The following RAB21 variants were observed in gnomAD, a reference collection of about 807,000 sequenced individuals.
RAB21 encodes the protein RAB21, member RAS oncogene family.
In RAB21, 13 loss-of-function variants were observed where a neutral mutation model predicts 33.1. The observed-to-expected ratio is 0.39, with a 90% confidence interval of 0.26 to 0.62. RAB21 has a LOEUF of 0.62. Among genes scored for constraint, RAB21 ranks in the 20% least tolerant of loss-of-function variants. RAB21 has a pLI of 0.48. For synonymous variants in RAB21, 91 were observed against 103.7 expected (o/e 0.88, Z 0.74); for missense variants, 234 against 279.1 (o/e 0.84, Z 1.15).
At chr12:71,756,880 T>C (rs1592641093) in intron 1 of RAB21, among the ~76,000 whole-genome samples, 2 of 152,230 alleles carry the variant, frequency 1.3e-5, no homozygotes, top group Admixed American at 6.5e-5. Context: ...GTGGATAGTT[T>C]AGTGGATAGC....
Position 71,788,819 on chromosome 12 carries a change from AT to A in RAB21, c.*3148del, listed in dbSNP as rs1264097326. On this transcript the variant is annotated 3_prime_UTR_variant, in exon 7 of 7. Transcript: ENST00000261263. ...ATGGGTATTCTGCTTCTTGTTTTTC[AT>A]TGTAATTACAGGGGAAGATTGTTTT... The A allele has an allele frequency of 1.3e-5, 2 of 152,088 alleles. No homozygotes were observed. Among genetic ancestry groups the A allele is most frequent in the African/African-American group, 4.8e-5 (2 of 41,444 alleles). 9.4% of individuals were successfully genotyped at this position (152,088 alleles called of 1,614,324 possible). A position where few individuals can be genotyped will look rare whatever the true frequency, so the allele number is the denominator to read the frequency against.
chr12:71,792,890 T>C lies in RAB21; in HGVS notation c.*7217T>C, dbSNP rs1304973744. 1 of 152,254 alleles carries C rather than the reference T, an allele frequency of 6.6e-6. No homozygotes were observed. Among genetic ancestry groups the C allele is most frequent in the African/African-American group, 2.4e-5 (1 of 41,472 alleles). 9.4% of individuals were successfully genotyped at this position (152,254 alleles called of 1,614,324 possible). The stretch of plus-strand genomic sequence containing the variant: ...TTCACATTCTGTGTTTGATCAGATA[T>C]GTACCTGCCAAACTTTTGGAGTGAG... On this transcript the variant is annotated 3_prime_UTR_variant, in exon 7 of 7. Transcript: ENST00000261263.
At chr12:71,780,619 G>A (rs1883183816) in intron 4 of RAB21, among the ~76,000 whole-genome samples, 1 of 152,196 alleles carries the variant, frequency 6.6e-6, no homozygotes, top group South Asian at 2.1e-4. Flanking sequence ...CTTTAGTGTT[G>A]TCTGCTTCCC....
chr12:71,763,160 C>T (rs1279223945), intron 1 of RAB21, among the ~76,000 whole-genome samples: 4 of 150,634 alleles, frequency 2.7e-5, no homozygotes, highest in East Asian at 1.9e-4. Context: ...CACTCCCCAA[C>T]GGCAGGCCCC....
Position 71,796,741 on chromosome 12 carries a change from A to T in RAB21, c.*11068A>T, listed in dbSNP as rs973533467. On this transcript the variant is annotated 3_prime_UTR_variant, in exon 7 of 7. Coordinates refer to ENST00000261263, the MANE Select transcript of RAB21 (RefSeq NM_014999.4). The stretch of plus-strand genomic sequence containing the variant: ...TAATTTCAAGGAAACTGCTAGAGAC[A>T]ATGTTGAGTATCATCAAGAACATTT... The T allele has an allele frequency of 5.2e-4, 47 of 90,678 alleles. 9 individuals are homozygous for T. In the Admixed American group the frequency reaches 5.7e-3, roughly 11 times the overall value. The allele number at this position is 90,678 out of a possible 1,614,324, so 5.6% of individuals were successfully genotyped here. A position where few individuals can be genotyped will look rare whatever the true frequency, so the allele number is the denominator to read the frequency against.
At chr12:71,763,088 A>G (rs1882901969) in intron 1 of RAB21, among the ~76,000 whole-genome samples, 1 of 108,018 alleles carries the variant, frequency 9.3e-6, no homozygotes, top group Non-Finnish European at 2.0e-5. Flanking sequence ...TAGCAAGAAT[A>G]TTTATTTTGC....
At position 71,782,050 on chromosome 12, in the gene RAB21, A is replaced by G. The variant is rs756127090; in HGVS notation, c.411A>G (p.Glu137=). 1 of 1,606,252 alleles carries G rather than the reference A, an allele frequency of 6.2e-7. No homozygotes were observed. Among genetic ancestry groups the G allele is most frequent in the South Asian group, 1.1e-5 (1 of 90,646 alleles). The change falls in exon 5 of 7, where the codon GAA becomes GAG. Residue 137 remains glutamate (E), a synonymous_variant. Transcript: ENST00000261263. ...AAATAGGTAATAAAATAGACTTGGA[A>G]AAGGAGAGACATGTTTCCATTCAAG... ...LCIVGNKIDL[E]KERHVSIQEA... is the part of the protein sequence containing the mutation.
At chr12:71,779,547 C>T (rs911513726) in intron 4 of RAB21, among the ~76,000 whole-genome samples, 1 of 152,192 alleles carries the variant, frequency 6.6e-6, no homozygotes, top group African/African-American at 2.4e-5. Context: ...CTGAAAGCTT[C>T]TTTCCACTGT....
At position 71,785,612 on chromosome 12, in the gene RAB21, A is replaced by G; in HGVS notation, c.617A>G (p.Gln206Arg). The change falls in exon 7 of 7, where the codon CAG becomes CGG. Residue 206 changes from glutamine to arginine, a missense_variant. Transcript: ENST00000261263. ...CCGGGAACTGCAAGGCGAGGTGTACAGATTATTGATGATGAACCTCAAGCC... is the reference window on the plus strand; with the variant it reads ...CCGGGAACTGCAAGGCGAGGTGTACGGATTATTGATGATGAACCTCAAGCC... ...SQPGTARRGV[Q>R]IIDDEPQAQT... is the part of the protein sequence containing the mutation. The G allele has an allele frequency of 6.2e-7, 1 of 1,614,220 alleles. No homozygotes were observed. Among genetic ancestry groups the G allele is most frequent in the Non-Finnish European group, 8.5e-7 (1 of 1,180,044 alleles).
In RAB21 at chr12:71,768,310, G is replaced by T. The variant is rs187514362; in HGVS notation, c.160-1490G>T. On this transcript the variant is annotated intron_variant, in intron 1 of 6. Coordinates refer to ENST00000261263, the MANE Select transcript of RAB21 (RefSeq NM_014999.4). ...AGACCTTCCTGAAATTGAGGTAAAA[G>T]AAATCTCAATTGTTTCTTTCCTTCA... is the stretch of plus-strand genomic sequence containing the variant. Among the ~76,000 whole-genome samples the T allele has an allele frequency of 2.6e-4, 40 of 152,186 alleles. 1 individual carries two copies. The East Asian group carries it at 4.0e-3, about 15-fold the overall frequency.
intron 1 of RAB21, among the ~76,000 whole-genome samples, chr12:71,760,044 A>G (rs1185781854): frequency 6.6e-6 from 1 of 152,222 alleles, no homozygotes; most frequent in Non-Finnish European, 1.5e-5. Context: ...AAATGAATAA[A>G]TGATGCGGGA....
intron 1 of RAB21, among the ~76,000 whole-genome samples, chr12:71,760,940 T>C (rs1187826596): frequency 6.6e-6 from 1 of 152,004 alleles, no homozygotes. Flanking sequence ...GTGCAGTGGC[T>C]CGCACCTATA....
intron 4 of RAB21, 38 bp downstream of exon 4, chr12:71,774,060 T>C (rs928354126): frequency 1.4e-6 from 2 of 1,405,008 alleles, no homozygotes; most frequent in Admixed American, 4.6e-5. Context: ...AAAAGTCCTC[T>C]GTTTCCTTAA....
In RAB21 at chr12:71,785,901, TTTTTTTTTG is replaced by T. The variant is rs1305831589; in HGVS notation, c.*237_*245del. The T allele has an allele frequency of 2.7e-6, 1 of 370,194 alleles. No homozygotes were observed. The highest frequency in any genetic ancestry group is 3.4e-5 in the South Asian group (1 of 29,554). 22.9% of individuals were successfully genotyped at this position (370,194 alleles called of 1,614,324 possible). On this transcript the variant is annotated 3_prime_UTR_variant, in exon 7 of 7. Transcript: ENST00000261263. ...AATGTTTTTTTTTGTTTTTTTTTTG[TTTTTTTTTG>T]TTTTTTTTTGAGACGGAGTCTCGCT... is the stretch of plus-strand genomic sequence containing the variant.
intron 5 of RAB21, 188 bp downstream of exon 5, chr12:71,782,273 T>G (rs575943109): frequency 1.7e-6 from 1 of 580,864 alleles, no homozygotes; most frequent in South Asian, 3.1e-5. Flanking sequence ...CCTTTTTGAC[T>G]TCAGTGAAAA....
At chr12:71,764,688 A>G (rs1040355603) in intron 1 of RAB21, among the ~76,000 whole-genome samples, 2 of 152,134 alleles carry the variant, frequency 1.3e-5, no homozygotes, top group Non-Finnish European at 2.9e-5. Context: ...GCTCTCACTT[A>G]TAAGTGAGAA....
intron 3 of RAB21, among the ~76,000 whole-genome samples, chr12:71,772,386 A>C (rs1883056363): frequency 6.6e-6 from 1 of 152,230 alleles, no homozygotes; most frequent in East Asian, 1.9e-4. Flanking sequence ...TACTTCTGCC[A>C]CATTCTCTTG....
chr12:71,761,028 G>C (rs986729613), intron 1 of RAB21, among the ~76,000 whole-genome samples: 1 of 150,482 alleles, frequency 6.6e-6, no homozygotes, highest in Non-Finnish European at 1.5e-5. Flanking sequence ...AATGTAGCAA[G>C]AGTCCATCTC....
chr12:71,795,574 A>C lies in RAB21; in HGVS notation c.*9901A>C, dbSNP rs1438353645. On this transcript the variant is annotated 3_prime_UTR_variant, in exon 7 of 7. Coordinates refer to ENST00000261263, the MANE Select transcript of RAB21 (RefSeq NM_014999.4). ...AGCCTTTATTTGTGATCAGTAAATTATAAATTACACAGAAGCTTCCAGCTA... is the reference window on the plus strand; with the variant it reads ...AGCCTTTATTTGTGATCAGTAAATTCTAAATTACACAGAAGCTTCCAGCTA... The C allele has an allele frequency of 7.2e-6, 1 of 138,092 alleles. No homozygotes were observed. The highest frequency in any genetic ancestry group is 1.5e-5 in the Non-Finnish European group (1 of 66,150). 8.6% of individuals were successfully genotyped at this position (138,092 alleles called of 1,614,324 possible). A position where few individuals can be genotyped will look rare whatever the true frequency, so the allele number is the denominator to read the frequency against.
Sources: allele counts gnomAD v4.1 joint callset (sites outside exome capture counted in the v4.1 genomes callset), GRCh38; gene constraint gnomAD v4.1.1; transcripts MANE v1.5; gene names NCBI Gene and HGNC (gene_info 2026-07-23, HGNC 2026-07-21).